Variants in DLC1 observed in about 807,000 individuals in gnomAD.
The protein encoded by DLC1 is DLC1 Rho GTPase activating protein, also known as rho GTPase-activating protein 7.
DLC1 carries 54 observed loss-of-function variants against 140.3 expected under a neutral mutation model. That is an observed-to-expected ratio of 0.38 (90% CI 0.31 to 0.48). The LOEUF (loss-of-function observed/expected upper bound fraction) is 0.48. DLC1 is among the 20% of genes least tolerant of loss of function. The pLI is 0.96. For missense variants in DLC1, 2,536 were observed against 1,907.0 expected (o/e 1.33, Z -6.14); for synonymous variants, 986 against 728.1 (o/e 1.35, Z -5.70).
chr8:13,188,241 C>T (rs934660803), intron 5 of DLC1, among the ~76,000 whole-genome samples: 2 of 151,226 alleles, frequency 1.3e-5, no homozygotes, highest in Non-Finnish European at 2.9e-5. Flanking sequence ...GCCACCATGC[C>T]CAGCTAATTT....
At chr8:13,216,616 C>T (rs1259197072) in intron 5 of DLC1, among the ~76,000 whole-genome samples, 1 of 152,170 alleles carries the variant, frequency 6.6e-6, no homozygotes, top group Non-Finnish European at 1.5e-5. Flanking sequence ...AGAGCTCCAG[C>T]ATGCAATCAC....
intron 5 of DLC1, among the ~76,000 whole-genome samples, chr8:13,216,571 G>T (rs1828209392): frequency 2.0e-5 from 3 of 152,082 alleles, no homozygotes; most frequent in Admixed American, 6.6e-5. Flanking sequence ...TTCATAGTCT[G>T]CCTAAGGGTC....
intron 4 of DLC1, among the ~76,000 whole-genome samples, chr8:13,378,224 T>G (rs1180209408): frequency 6.7e-6 from 1 of 149,010 alleles, no homozygotes; most frequent in Non-Finnish European, 1.5e-5. Context: ...CTTTTCAAGG[T>G]GTAAGATGTC....
chr8:13,589,147 G>C (rs188746711), intron 1 of DLC1, among the ~76,000 whole-genome samples: 44 of 152,116 alleles, frequency 2.9e-4, no homozygotes, highest in Middle Eastern at 6.8e-3. Flanking sequence ...TCTTCATTAG[G>C]CTATCCTTCA....
chr8:13,239,266 T>C (rs2117233576), intron 5 of DLC1, among the ~76,000 whole-genome samples: 1 of 152,102 alleles, frequency 6.6e-6, no homozygotes. Context: ...GTATATCACA[T>C]AGTATTAAAT....
At chr8:13,350,201 T>C (rs776665018) in intron 4 of DLC1, among the ~76,000 whole-genome samples, 1 of 152,182 alleles carries the variant, frequency 6.6e-6, no homozygotes, top group African/African-American at 2.4e-5. Flanking sequence ...ATATATTTCC[T>C]TCTTTTAAGG....
intron 2 of DLC1, among the ~76,000 whole-genome samples, chr8:13,478,976 A>G (rs1271056524): frequency 6.6e-6 from 1 of 152,204 alleles, no homozygotes; most frequent in Non-Finnish European, 1.5e-5. Flanking sequence ...TATGCATAGC[A>G]TTTGAGACAT....
At chr8:13,144,875 A>T (rs1563681790) in intron 5 of DLC1, among the ~76,000 whole-genome samples, 1 of 152,220 alleles carries the variant, frequency 6.6e-6, no homozygotes, top group Non-Finnish European at 1.5e-5. Context: ...CTAAGGAAGA[A>T]CTGCCTAGCC....
intron 1 of DLC1, among the ~76,000 whole-genome samples, chr8:13,600,965 TTTA>T (rs772697972): frequency 1.3e-5 from 2 of 151,888 alleles, no homozygotes; most frequent in Non-Finnish European, 2.9e-5. Context: ...TAATTTATAT[TTTA>T]TTATTTGTTT....
At chr8:13,540,824 A>G (rs74602139) in intron 1 of DLC1, among the ~76,000 whole-genome samples, 1,805 of 152,294 alleles carry the variant, frequency 0.012, 32 homozygotes, top group African/African-American at 0.041. Context: ...GAATGTCAGG[A>G]TGGACATGGG....
chr8:13,304,821 A>C, intron 5 of DLC1: 1 of 977,266 alleles, frequency 1.0e-6, no homozygotes, highest in Non-Finnish European at 1.2e-6. Flanking sequence ...TTTTTCTTCA[A>C]TACAATTATT....
In DLC1 at chr8:13,487,653, A is replaced by G. The variant is rs1249157902; in HGVS notation, c.1023+11396T>C. ...CAATGGCGTGAGTTCGGCTCACTGC[A>G]ACCTCCCCAACCCGGGTTCAAGCAG... On this transcript the variant is annotated intron_variant, in intron 2 of 17. Coordinates refer to ENST00000276297, the MANE Select transcript of DLC1 (RefSeq NM_182643.3). Among the ~76,000 whole-genome samples the G allele has an allele frequency of 4.0e-5, 6 of 151,216 alleles. No individual in the cohort carries two copies. The South Asian group carries it at 6.3e-4, about 16-fold the overall frequency.
intron 5 of DLC1, among the ~76,000 whole-genome samples, chr8:13,298,663 C>T (rs754798116): frequency 1.1e-4 from 17 of 152,106 alleles, no homozygotes; most frequent in African/African-American, 1.9e-4. Flanking sequence ...AAGATTAGTT[C>T]TGCCTGGGAA....
rs763706656 is a variant in DLC1, at chr8:13,100,469, C to T, written c.1868G>A (p.Ser623Asn). The change falls in exon 9 of 18, where the codon AGC (serine) becomes AAC (asparagine). Residue 623 changes from serine (S) to asparagine (N), a missense_variant. Coordinates refer to ENST00000276297, the MANE Select transcript of DLC1 (RefSeq NM_182643.3). ...TGCCAAGTTGCTGGAGGAGCAAACG[C>T]TGATGACGGAGTTAGTCCGGGGGGT... ...AATPRTNSVI[S>N]VCSSSNLAGN... is the part of the protein sequence containing the mutation. 2.5e-6 allele frequency: 4 copies of T among 1,613,300 alleles called. No homozygotes were observed. Among genetic ancestry groups the T allele is most frequent in the Non-Finnish European group, 3.4e-6 (4 of 1,180,016 alleles).
At chr8:13,253,816 TGTATTA>T (rs1020601410) in intron 5 of DLC1, among the ~76,000 whole-genome samples, 26 of 152,198 alleles carry the variant, frequency 1.7e-4, no homozygotes, top group African/African-American at 5.5e-4. Flanking sequence ...ATAACCTTCA[TGTATTA>T]GTAAATTAGA....
At chr8:13,110,939 A>G in intron 6 of DLC1, 116 bp from the exon 7 acceptor site, 1 of 842,066 alleles carries the variant, frequency 1.2e-6, no homozygotes, top group Non-Finnish European at 1.9e-6. Context: ...CACCTACTGT[A>G]GGACACCTCA....
intron 1 of DLC1, among the ~76,000 whole-genome samples, chr8:13,540,950 A>G (rs913932574): frequency 2.6e-5 from 4 of 152,218 alleles, no homozygotes; most frequent in South Asian, 2.1e-4. Flanking sequence ...CCATACCACA[A>G]TTCTCTCTGA....
At chr8:13,275,426 A>G (rs1831120711) in intron 5 of DLC1, among the ~76,000 whole-genome samples, 1 of 152,068 alleles carries the variant, frequency 6.6e-6, no homozygotes, top group African/African-American at 2.4e-5. Flanking sequence ...AAAGAGGTTA[A>G]GAAAACATAG....
At chr8:13,349,132 G>A (rs1304578825) in intron 4 of DLC1, among the ~76,000 whole-genome samples, 1 of 152,158 alleles carries the variant, frequency 6.6e-6, no homozygotes, top group East Asian at 1.9e-4. Flanking sequence ...ATAGGTTGTG[G>A]ACCCAAGGAT....
Sources: allele counts gnomAD v4.1 joint callset (sites outside exome capture counted in the v4.1 genomes callset), GRCh38; gene constraint gnomAD v4.1.1; transcripts MANE v1.5; gene names NCBI Gene and HGNC (gene_info 2026-07-23, HGNC 2026-07-21).